SAMD3: variants seen among roughly 807,000 people sequenced by gnomAD.
The protein encoded by SAMD3 is sterile alpha motif domain-containing protein 3.
Under a neutral mutation model 58.5 loss-of-function variants are expected in SAMD3, and 63 were observed. The observed-to-expected ratio is 1.08, with a 90% confidence interval of 0.88 to 1.33. The LOEUF (loss-of-function observed/expected upper bound fraction) is 1.33, where lower values mean the gene tolerates loss of function less well. Ranked by LOEUF, SAMD3 falls within the 40% of genes most tolerant of loss-of-function variation. The probability of loss-of-function intolerance (pLI) is 0.00; values close to 1 mark genes in which losing one functional copy is unlikely to be tolerated. For missense variants in SAMD3, 604 were observed against 608.4 expected (o/e 0.99, Z 0.08); for synonymous variants, 220 against 210.3 (o/e 1.05, Z -0.40).
chr6:130,171,781 T>C lies in SAMD3; in HGVS notation c.822+4060A>G, dbSNP rs545018124. Among the ~76,000 whole-genome samples the C allele has an allele frequency of 3.9e-5, 6 of 152,304 alleles. No individual in the cohort carries two copies. The East Asian group carries it at 1.2e-3, about 29-fold the overall frequency. On this transcript the variant is annotated intron_variant, in intron 8 of 11. Coordinates refer to ENST00000439090, the MANE Select transcript of SAMD3 (RefSeq NM_001017373.4). ...ATATCCTTGTTAATTTTCTGACTCG[T>C]TGATCTGTCTAATATTGACAGTGGG...
At chr6:130,191,045 A>C (rs1204338093) in intron 5 of SAMD3, among the ~76,000 whole-genome samples, 1 of 151,574 alleles carries the variant, frequency 6.6e-6, no homozygotes, top group African/African-American at 2.4e-5. Context: ...TCCACATTCA[A>C]TACTTGACCA....
Position 130,169,654 on chromosome 6 carries a change from C to T in SAMD3, c.822+6187G>A, listed in dbSNP as rs552750116. Among the ~76,000 whole-genome samples, 3 of 152,258 alleles carry T rather than the reference C, an allele frequency of 2.0e-5. No homozygotes were observed. In the South Asian group the frequency reaches 6.2e-4, roughly 32 times the overall value. On this transcript the variant is annotated intron_variant, in intron 8 of 11. Transcript: ENST00000439090. The stretch of plus-strand genomic sequence containing the variant: ...CTGGATTGACCATAGCAGGGTTCAT[C>T]TTAGGATTCAAGCATGTCTTGGGGG...
At chr6:130,315,620 A>G (rs574286681) in intron 1 of SAMD3, among the ~76,000 whole-genome samples, 1 of 152,178 alleles carries the variant, frequency 6.6e-6, no homozygotes, top group African/African-American at 2.4e-5. Flanking sequence ...ATATCCATAA[A>G]AGGTTGTTTG....
At chr6:130,285,413 AAGAG>A (rs1259302351) in intron 2 of SAMD3, among the ~76,000 whole-genome samples, 1 of 151,980 alleles carries the variant, frequency 6.6e-6, no homozygotes, top group Non-Finnish European at 1.5e-5. Context: ...CTCACTAGTA[AAGAG>A]AGAGAGAGGG....
intron 9 of SAMD3, among the ~76,000 whole-genome samples, chr6:130,146,856 T>A (rs976675955): frequency 6.6e-6 from 1 of 151,904 alleles, no homozygotes; most frequent in Non-Finnish European, 1.5e-5. Flanking sequence ...GTGTATAGTC[T>A]CAGCTACTCA....
chr6:130,320,108 G>A (rs1038014312), intron 1 of SAMD3, among the ~76,000 whole-genome samples: 1 of 151,894 alleles, frequency 6.6e-6, no homozygotes, highest in African/African-American at 2.4e-5. Context: ...AAAGGAAAAA[G>A]GCAATAAAGA....
chr6:130,272,868 T>G (rs1359912571), intron 2 of SAMD3, among the ~76,000 whole-genome samples: 2 of 152,198 alleles, frequency 1.3e-5, no homozygotes, highest in Non-Finnish European at 2.9e-5. Flanking sequence ...AACGATGGCC[T>G]ACTCATTTAT....
chr6:130,339,889 G>T (rs894620992), intron 1 of SAMD3, among the ~76,000 whole-genome samples: 4 of 122,374 alleles, frequency 3.3e-5, no homozygotes, highest in African/African-American at 1.5e-4. Flanking sequence ...TTTCCAATTT[G>T]AATATTCTCC....
chr6:130,255,664 C>A (rs1773900334), intron 2 of SAMD3, among the ~76,000 whole-genome samples: 1 of 151,644 alleles, frequency 6.6e-6, no homozygotes, highest in Non-Finnish European at 1.5e-5. Flanking sequence ...TTTAAATATT[C>A]TTTTTGATAG....
chr6:130,283,998 G>A (rs1043683928), intron 2 of SAMD3, among the ~76,000 whole-genome samples: 12 of 152,120 alleles, frequency 7.9e-5, no homozygotes, highest in Admixed American at 3.3e-4. Context: ...GATAAGAGGC[G>A]TGTGCCATCA....
At chr6:130,287,172 C>T (rs909541539) in intron 2 of SAMD3, among the ~76,000 whole-genome samples, 2 of 152,164 alleles carry the variant, frequency 1.3e-5, no homozygotes, top group Admixed American at 6.5e-5. Context: ...ATGATCTTTA[C>T]CTAAGTTTAG....
rs975352884 is a variant in SAMD3, at chr6:130,236,439, A to G, written c.-187-13626T>C. On this transcript the variant is annotated intron_variant, in intron 2 of 13. Transcript: ENST00000368134. ...TGCTCTGTCACTTAGGCTGGAGTGC[A>G]ATGGCGTGATCTCAGCCCACTGCAA... Among the ~76,000 whole-genome samples the G allele has an allele frequency of 1.4e-3, 205 of 150,586 alleles. 2 individuals are homozygous for G. Among genetic ancestry groups the G allele is most frequent in the Non-Finnish European group, 2.9e-4 (20 of 67,922 alleles).
At chr6:130,327,631 G>A (rs1479539902) in intron 1 of SAMD3, among the ~76,000 whole-genome samples, 1 of 152,176 alleles carries the variant, frequency 6.6e-6, no homozygotes. Context: ...GCCTTACTAA[G>A]TTGATTAAAG....
chr6:130,311,800 C>A (rs892281228), intron 2 of SAMD3, among the ~76,000 whole-genome samples: 6 of 152,130 alleles, frequency 3.9e-5, no homozygotes, highest in African/African-American at 1.4e-4. Flanking sequence ...CCTAGAGGAC[C>A]TTCCACACAG....
intron 2 of SAMD3, among the ~76,000 whole-genome samples, chr6:130,266,016 C>A (rs1026063282): frequency 1.3e-5 from 2 of 152,142 alleles, no homozygotes; most frequent in Non-Finnish European, 2.9e-5. Flanking sequence ...GGAAAAGTGG[C>A]CCTTCCTGTA....
chr6:130,344,888 A>G (rs1208623622), intron 1 of SAMD3, among the ~76,000 whole-genome samples: 5 of 151,850 alleles, frequency 3.3e-5, no homozygotes, highest in Admixed American at 2.0e-4. Flanking sequence ...TTGGCCTAAA[A>G]AAATTTCCTT....
At chr6:130,187,738 T>G (rs1437784802) in intron 5 of SAMD3, among the ~76,000 whole-genome samples, 2 of 152,140 alleles carry the variant, frequency 1.3e-5, no homozygotes, top group Non-Finnish European at 2.9e-5. Flanking sequence ...AACACCATAA[T>G]AAGTCAGCCA....
At chr6:130,279,577 C>G (rs1054679507) in intron 2 of SAMD3, among the ~76,000 whole-genome samples, 6 of 151,398 alleles carry the variant, frequency 4.0e-5, no homozygotes, top group African/African-American at 7.3e-5. Context: ...CTCCACCTCC[C>G]AGGTTCAAGC....
intron 1 of SAMD3, among the ~76,000 whole-genome samples, chr6:130,221,054 C>T (rs34526240): frequency 0.011 from 1,597 of 151,976 alleles, 17 homozygotes; most frequent in Non-Finnish European, 0.018. Context: ...CGGGGTTTCA[C>T]TGTGTTAGCC....
Sources: gnomAD v4.1 joint callset for allele counts (sites outside exome capture counted in the v4.1 genomes callset) on GRCh38, gnomAD v4.1.1 for gene constraint, MANE v1.5 for transcripts, NCBI Gene and HGNC (gene_info 2026-07-23, HGNC 2026-07-21) for gene names.